Variants in RIN3 observed in about 807,000 individuals in gnomAD.
RIN3 encodes Ras and Rab interactor 3.
RIN3 carries 54 observed loss-of-function variants against 76.3 expected under a neutral mutation model. The observed-to-expected ratio is 0.71, with a 90% CI of 0.57 to 0.89. The LOEUF (loss-of-function observed/expected upper bound fraction) is 0.89, where lower values mean the gene tolerates loss of function less well. Ranked by LOEUF, RIN3 falls within the 40% of genes least tolerant of loss-of-function variation. RIN3 has a pLI of 0.00. For missense variants in RIN3, 1,256 were observed against 1,322.1 expected (o/e 0.95, Z 0.78); for synonymous variants, 576 against 564.0 (o/e 1.02, Z -0.30).
intron 2 of RIN3, among the ~76,000 whole-genome samples, chr14:92,565,069 T>C (rs8018809): frequency 0.78 from 119,265 of 152,166 alleles, 47,314 homozygotes; most frequent in Non-Finnish European, 0.85. Flanking sequence ...GCCCCGGCAC[T>C]GGCACTTGTC....
At chr14:92,529,466 T>C (rs1001707331) in intron 1 of RIN3, among the ~76,000 whole-genome samples, 1 of 152,182 alleles carries the variant, frequency 6.6e-6, no homozygotes, top group Non-Finnish European at 1.5e-5. Context: ...GCCAGACTGG[T>C]CTTGAACTCC....
chr14:92,611,395 C>G (rs1012306730), intron 3 of RIN3, among the ~76,000 whole-genome samples: 1 of 152,144 alleles, frequency 6.6e-6, no homozygotes, highest in African/African-American at 2.4e-5. Flanking sequence ...CATGCCTCAG[C>G]CCCCCGAGGC....
At chr14:92,669,236 G>C (rs1888206473) in intron 7 of RIN3, among the ~76,000 whole-genome samples, 1 of 152,168 alleles carries the variant, frequency 6.6e-6, no homozygotes, top group Non-Finnish European at 1.5e-5. Flanking sequence ...ATTCAAGGAG[G>C]GGAGATAGGC....
intron 1 of RIN3, among the ~76,000 whole-genome samples, chr14:92,543,573 C>G (rs1436238778): frequency 1.3e-5 from 2 of 151,056 alleles, no homozygotes; most frequent in Admixed American, 6.6e-5. Flanking sequence ...AGCATTTACA[C>G]CCCACACCCT....
intron 3 of RIN3, among the ~76,000 whole-genome samples, chr14:92,599,893 A>G (rs1052708697): frequency 1.3e-5 from 2 of 152,188 alleles, no homozygotes; most frequent in Non-Finnish European, 1.5e-5. Context: ...AGAGAAATCT[A>G]TGACTCTGTG....
At chr14:92,577,501 T>C (rs1232881485) in intron 3 of RIN3, 24 bp downstream of exon 3, 1 of 1,490,032 alleles carries the variant, frequency 6.7e-7, no homozygotes, top group Non-Finnish European at 9.4e-7. Context: ...TTCTCTGTTT[T>C]CACTTTGACC....
intron 4 of RIN3, among the ~76,000 whole-genome samples, chr14:92,635,906 C>T (rs17184313): frequency 0.14 from 20,884 of 152,124 alleles, 1,655 homozygotes; most frequent in Middle Eastern, 0.18. Flanking sequence ...GTGCTCAATT[C>T]GTTCTTTGCA....
At chr14:92,547,568 T>A (rs1326090123) in intron 1 of RIN3, among the ~76,000 whole-genome samples, 1 of 151,644 alleles carries the variant, frequency 6.6e-6, no homozygotes, top group Non-Finnish European at 1.5e-5. Flanking sequence ...CTGATTCTTT[T>A]AATTTTTTGT....
At chr14:92,516,410 C>A (rs548635745) in intron 1 of RIN3, among the ~76,000 whole-genome samples, 40 of 152,276 alleles carry the variant, frequency 2.6e-4, no homozygotes, top group African/African-American at 9.6e-4. Context: ...TGGGGCCCAC[C>A]TACAGCAGGG....
chr14:92,666,572 G>A (rs970059965), intron 7 of RIN3, among the ~76,000 whole-genome samples: 3 of 72,000 alleles, frequency 4.2e-5, no homozygotes, highest in African/African-American at 2.2e-4. Flanking sequence ...CCTGGAATCA[G>A]GAGCAGACCG....
In RIN3 at chr14:92,670,610, G is replaced by A. The variant is rs536947848; in HGVS notation, c.2336-5865G>A. Among the ~76,000 whole-genome samples the A allele has an allele frequency of 1.4e-3, 211 of 152,332 alleles. 1 individual carries two copies. Among genetic ancestry groups the A allele is most frequent in the African/African-American group, 3.8e-3 (159 of 41,578 alleles). On this transcript the variant is annotated intron_variant, in intron 7 of 9. Coordinates refer to ENST00000216487, the MANE Select transcript of RIN3 (RefSeq NM_024832.5). ...GTCCATGAGGAGCTATCATGCCTGT[G>A]TGGATACTTTCTCACCAACGTCAAC...
intron 7 of RIN3, among the ~76,000 whole-genome samples, chr14:92,673,477 G>A (rs1432179659): frequency 2.0e-5 from 3 of 151,526 alleles, no homozygotes; most frequent in Non-Finnish European, 4.4e-5. Context: ...AAAAATTAAT[G>A]CAAAGAAAAG....
At chr14:92,676,140 C>T (rs2273927) in intron 7 of RIN3, among the ~76,000 whole-genome samples, 46,194 of 150,996 alleles carry the variant, frequency 0.31, 7,547 homozygotes, top group Non-Finnish European at 0.36. Context: ...GGTGGGTCCA[C>T]GAATAAATAT....
intron 2 of RIN3, among the ~76,000 whole-genome samples, chr14:92,574,427 T>C (rs770044276): frequency 7.2e-5 from 11 of 152,242 alleles, no homozygotes; most frequent in African/African-American, 2.7e-4. Context: ...AAAGGGAAGA[T>C]GAAGCCTCCA....
chr14:92,526,856 C>G (rs1234542620), intron 1 of RIN3, among the ~76,000 whole-genome samples: 1 of 152,032 alleles, frequency 6.6e-6, no homozygotes, highest in Non-Finnish European at 1.5e-5. Context: ...CTCTCAAAGC[C>G]TTGGAGGCCA....
chr14:92,608,647 G>A (rs1885614776), intron 3 of RIN3, among the ~76,000 whole-genome samples: 1 of 151,748 alleles, frequency 6.6e-6, no homozygotes, highest in Non-Finnish European at 1.5e-5. Flanking sequence ...TGATCCTCCT[G>A]CATCAGCCTC....
chr14:92,537,480 A>G (rs1897025626), intron 1 of RIN3, among the ~76,000 whole-genome samples: 1 of 152,154 alleles, frequency 6.6e-6, no homozygotes, highest in Non-Finnish European at 1.5e-5. Flanking sequence ...GTCATTTTGC[A>G]TACATGCAAC....
chr14:92,685,284 T>A lies in RIN3; in HGVS notation c.2631+134T>A. ...CCCTGCCTTAGGGGAGCAGTGAGAC[T>A]CCCCACACCAGAGGAAGGGCCCCCA... On this transcript the variant is annotated intron_variant, in intron 9 of 9. Transcript: ENST00000216487. This position sits in a 1 kb window ranked among gnomAD's most constrained non-coding sequence, Gnocchi z 4.7. 1.1e-6 allele frequency: 1 copy of A among 927,636 alleles called. No individual in the cohort carries two copies. The highest frequency in any genetic ancestry group is 1.6e-6 in the Non-Finnish European group (1 of 633,400). The allele number at this position is 927,636 out of a possible 1,614,324, so 57.5% of individuals were successfully genotyped here.
intron 3 of RIN3, among the ~76,000 whole-genome samples, chr14:92,585,474 G>A (rs1884736671): frequency 6.6e-6 from 1 of 152,162 alleles, no homozygotes; most frequent in African/African-American, 2.4e-5. Flanking sequence ...ATGCCAGTTA[G>A]CACAAGGGTT....
Sources: gnomAD v4.1 joint callset for allele counts (sites outside exome capture counted in the v4.1 genomes callset) on GRCh38, gnomAD v4.1.1 for gene constraint, Gnocchi (gnomAD v3.1) non-coding constraint, MANE v1.5 for transcripts, NCBI Gene and HGNC (gene_info 2026-07-23, HGNC 2026-07-21) for gene names.